The following SHANK2 variants were observed in gnomAD, a reference collection of about 807,000 sequenced individuals.
The protein encoded by SHANK2 is SH3 and multiple ankyrin repeat domains protein 2.
In SHANK2, 43 loss-of-function variants were observed where a neutral mutation model predicts 133.7. The observed-to-expected ratio is 0.32, with a 90% CI of 0.25 to 0.41. The LOEUF (loss-of-function observed/expected upper bound fraction) is 0.41, where lower values mean the gene tolerates loss of function less well. Ranked by LOEUF, SHANK2 falls within the 10% of genes least tolerant of loss-of-function variation. SHANK2 has a pLI of 1.00. For missense variants in SHANK2, 1,994 were observed against 2,235.8 expected (o/e 0.89, Z 2.18); for synonymous variants, 1,017 against 952.8 (o/e 1.07, Z -1.24).
chr11:70,782,083 T>A (rs1555045296), intron 14 of SHANK2, among the ~76,000 whole-genome samples: 2 of 152,200 alleles, frequency 1.3e-5, no homozygotes, highest in African/African-American at 4.8e-5. Context: ...ATTTATTTAT[T>A]TAGAGACAGT....
intron 11 of SHANK2, among the ~76,000 whole-genome samples, chr11:70,863,050 C>T (rs1949287347): frequency 6.6e-6 from 1 of 152,166 alleles, no homozygotes; most frequent in South Asian, 2.1e-4. Flanking sequence ...ACTTACGGAG[C>T]AGGGGTAGCA....
intron 14 of SHANK2, among the ~76,000 whole-genome samples, chr11:70,777,519 T>TCCATCCATCCATC (rs1947392433): frequency 6.6e-6 from 1 of 151,114 alleles, no homozygotes; most frequent in African/African-American, 2.4e-5. Context: ...ACCTATCCAT[T>TCCATCCATCCATC]CATCCATCCA....
chr11:70,723,569 A>T (rs1459658452), intron 14 of SHANK2, among the ~76,000 whole-genome samples: 1 of 152,226 alleles, frequency 6.6e-6, no homozygotes, highest in Non-Finnish European at 1.5e-5. Context: ...GCCTTGCAGA[A>T]GGCTCAGCTA....
In SHANK2 at chr11:70,503,669, C is replaced by G. The variant is rs376149523; in HGVS notation, c.2062-738G>C. ...TCTTAGGAGCCGGTTACCTCCTGCC[C>G]TATTTGTCCTCACCATGGCAAATGC... On this transcript the variant is annotated intron_variant, in intron 17 of 25. Coordinates refer to ENST00000601538, the MANE Select transcript of SHANK2 (RefSeq NM_012309.5). Among the ~76,000 whole-genome samples the G allele has an allele frequency of 1.4e-3, 216 of 152,352 alleles. 1 individual carries two copies. The highest frequency in any genetic ancestry group is 5.0e-3 in the African/African-American group (210 of 41,588).
intron 14 of SHANK2, among the ~76,000 whole-genome samples, chr11:70,790,923 TG>T (rs1370493304): frequency 3.9e-5 from 6 of 152,100 alleles, no homozygotes; most frequent in African/African-American, 1.4e-4. Flanking sequence ...CTCTGCAGGC[TG>T]GGGGCAGGGG....
intron 14 of SHANK2, among the ~76,000 whole-genome samples, chr11:70,796,882 TA>T (rs565993866): frequency 6.6e-5 from 10 of 152,286 alleles, no homozygotes; most frequent in Non-Finnish European, 1.2e-4. Flanking sequence ...ATTTCCATGC[TA>T]AATGACCCTC....
At chr11:70,656,493 C>T (rs1252604440) in intron 17 of SHANK2, among the ~76,000 whole-genome samples, 1 of 152,170 alleles carries the variant, frequency 6.6e-6, no homozygotes, top group Non-Finnish European at 1.5e-5. Flanking sequence ...CAACTTCCCG[C>T]CGCCCTGCCC....
rs1565533151 is a variant in SHANK2, at chr11:70,490,310, G to A, written c.2517C>T (p.Ile839=). The A allele has an allele frequency of 6.2e-7, 1 of 1,614,216 alleles. No homozygotes were observed. Among genetic ancestry groups the A allele is most frequent in the East Asian group, 2.2e-5 (1 of 44,880 alleles). Residue 839 remains isoleucine, a synonymous_variant, in exon 23 of 26, where the codon ATC becomes ATT. Transcript: ENST00000601538. ...PGSPKAPFLG[I]PRGTMRRQKS... is the part of the protein sequence containing the mutation. ...TCTGCCTTCGCATCGTACCTCGAGGGATGCCCAGAAACGGGGCTTTTGGGC... is the reference window on the plus strand; with the variant it reads ...TCTGCCTTCGCATCGTACCTCGAGGAATGCCCAGAAACGGGGCTTTTGGGC...
chr11:70,576,204 G>A (rs1325563506), intron 17 of SHANK2, among the ~76,000 whole-genome samples: 2 of 152,134 alleles, frequency 1.3e-5, no homozygotes, highest in East Asian at 1.9e-4. Context: ...GGATGCAGAC[G>A]AGGAAAGGAG....
intron 17 of SHANK2, among the ~76,000 whole-genome samples, chr11:70,601,109 T>C (rs1299994510): frequency 1.3e-5 from 2 of 151,794 alleles, no homozygotes; most frequent in African/African-American, 4.9e-5. Flanking sequence ...CTGAGCGCAG[T>C]GGTGTAATCT....
At chr11:70,620,702 C>T (rs917565432) in intron 17 of SHANK2, among the ~76,000 whole-genome samples, 1 of 152,126 alleles carries the variant, frequency 6.6e-6, no homozygotes, top group Non-Finnish European at 1.5e-5. Flanking sequence ...TCGGGTTATA[C>T]GAGGTCATAA....
At position 71,158,665 on chromosome 11, in the gene SHANK2, C is replaced by G. The variant is rs141681276; in HGVS notation, c.-12-11327G>C. ...GGAGAGCCACATAAAACCAAGATAA[C>G]TCTGGAGACTAAGAGGAGACTCATT... On this transcript the variant is annotated intron_variant, in intron 2 of 25. Transcript: ENST00000601538. Among the ~76,000 whole-genome samples, 87 of 152,318 alleles carry G rather than the reference C, an allele frequency of 5.7e-4. No homozygotes were observed. The Middle Eastern group carries it at 0.024, about 42-fold the overall frequency.
chr11:70,483,702 G>A (rs1234477041), intron 25 of SHANK2, among the ~76,000 whole-genome samples: 1 of 152,150 alleles, frequency 6.6e-6, no homozygotes, highest in African/African-American at 2.4e-5. Flanking sequence ...CAGCCTGAGC[G>A]GCAAAGCAAC....
chr11:70,915,046 T>C (rs1439435977), intron 10 of SHANK2, among the ~76,000 whole-genome samples: 2 of 152,220 alleles, frequency 1.3e-5, no homozygotes, highest in Non-Finnish European at 2.9e-5. Context: ...CTCAGCTTCC[T>C]TTCCCTAATC....
intron 1 of SHANK2, among the ~76,000 whole-genome samples, chr11:71,228,481 G>C (rs539082767): frequency 4.6e-5 from 7 of 152,188 alleles, no homozygotes; most frequent in Admixed American, 2.0e-4. Flanking sequence ...TTACAGGCTG[G>C]GTATGGTGGC....
intron 14 of SHANK2, among the ~76,000 whole-genome samples, chr11:70,760,211 G>A (rs58261623): frequency 0.013 from 2,033 of 152,306 alleles, 44 homozygotes; most frequent in African/African-American, 0.046. Flanking sequence ...AGCTCCTCCT[G>A]TAACCTGCTG....
rs572057092 is a variant in SHANK2 at position 70,739,870 on chromosome 11, C to A, written c.1778-41107G>T. 5.9e-5 allele frequency among the ~76,000 whole-genome samples: 9 copies of A among 152,322 alleles called. No homozygotes were observed. The highest frequency in any genetic ancestry group is 4.6e-4 in the Admixed American group (7 of 15,302). On this transcript the variant is annotated intron_variant, in intron 14 of 25. Transcript: ENST00000601538. This position sits in a 1 kb window ranked among gnomAD's most constrained non-coding sequence, Gnocchi z 4.3. Reference sequence around the variant, plus strand: ...GGGAGGCACCCACAGAGGACGGCCACGTGAAGACAGGCCAGAGCCGCCGCA... The same window carrying A: ...GGGAGGCACCCACAGAGGACGGCCAAGTGAAGACAGGCCAGAGCCGCCGCA...
chr11:71,149,426 C>T (rs1952718915), intron 2 of SHANK2, among the ~76,000 whole-genome samples: 1 of 152,212 alleles, frequency 6.6e-6, no homozygotes, highest in African/African-American at 2.4e-5. Flanking sequence ...AACTCACAGT[C>T]CTTTCCCTTT....
chr11:71,086,451 A>G (rs1405735479), intron 8 of SHANK2, among the ~76,000 whole-genome samples: 2 of 134,344 alleles, frequency 1.5e-5, no homozygotes, highest in Non-Finnish European at 3.1e-5. Flanking sequence ...TATATATTAT[A>G]TTATATATAA....
Sources: allele counts gnomAD v4.1 joint callset (sites outside exome capture counted in the v4.1 genomes callset), GRCh38; gene constraint gnomAD v4.1.1; non-coding constraint Gnocchi (gnomAD v3.1); transcripts MANE v1.5; gene names NCBI Gene and HGNC (gene_info 2026-07-23, HGNC 2026-07-21).